Variants in DNAAF6 observed in about 807,000 individuals in gnomAD.
DNAAF6 encodes the protein dynein axonemal assembly factor 6, also known as PIH1 domain containing 3.
A neutral mutation model predicts 13.7 loss-of-function variants in DNAAF6; 3 were observed. The ratio of observed to expected loss-of-function variants is 0.22; its 90% CI spans 0.10 to 0.56. The LOEUF is 0.56. DNAAF6 is among the 20% of genes least tolerant of loss of function. DNAAF6 has a pLI of 0.92. For synonymous variants in DNAAF6, 54 were observed against 49.2 expected (o/e 1.10, Z -0.41); for missense variants, 130 against 151.0 (o/e 0.86, Z 0.73).
intron 5 of DNAAF6, among the ~76,000 whole-genome samples, chrX:107,226,713 A>C (rs1354273777): frequency 8.9e-6 from 1 of 111,942 alleles, no homozygotes; most frequent in Non-Finnish European, 1.9e-5. Flanking sequence ...AGATAGCTTG[A>C]TGCTCTTTGA....
chrX:107,225,741 C>T (rs913665309), intron 5 of DNAAF6, among the ~76,000 whole-genome samples: 4 of 111,520 alleles, frequency 3.6e-5, no homozygotes, highest in Non-Finnish European at 5.6e-5. Flanking sequence ...ATCAAAGCAA[C>T]GGTCCTAAAC....
chrX:107,227,522 C>T (rs1356806059), intron 5 of DNAAF6, among the ~76,000 whole-genome samples: 1 of 108,274 alleles, frequency 9.2e-6, no homozygotes, highest in African/African-American at 3.4e-5. Context: ...ATTATGTTAA[C>T]CTTGTTTGAT....
intron 5 of DNAAF6, among the ~76,000 whole-genome samples, chrX:107,237,492 G>A (rs148069075): frequency 2.9e-4 from 32 of 112,272 alleles, no homozygotes; most frequent in African/African-American, 1.0e-3. Flanking sequence ...TTGTGTTGTG[G>A]TAAAAATACA....
chrX:107,213,119 C>T (rs745559510), intron 2 of DNAAF6, 91 bp downstream of exon 2: 11 of 920,317 alleles, frequency 1.2e-5, no homozygotes, highest in Non-Finnish European at 1.3e-5. Flanking sequence ...GCTGTGGGAA[C>T]AGAGCTGTGT....
intron 5 of DNAAF6, among the ~76,000 whole-genome samples, chrX:107,233,630 A>G (rs1226450707): frequency 3.6e-5 from 4 of 110,621 alleles, no homozygotes; most frequent in Non-Finnish European, 7.6e-5. Flanking sequence ...AATGGAGGAC[A>G]TGAGTTTTTT....
rs200290585 is a variant in DNAAF6, at chrX:107,212,847, C to T, written c.-3-26C>T. 1.0e-4 allele frequency: 117 copies of T among 1,144,759 alleles called. No individual in the cohort carries two copies. The African/African-American group carries it at 1.8e-3, about 18-fold the overall frequency. 94.3% of individuals were successfully genotyped at this position (1,144,759 alleles called of 1,213,427 possible). ...TAAATAAAACAGAAAAGTAAAATAC[C>T]TCTTTCTGATTATCTTTTTCTTCAG... On this transcript the variant is annotated intron_variant, in intron 1 of 6. Transcript: ENST00000372453.
At chrX:107,211,976 A>G (rs999545282) in intron 1 of DNAAF6, among the ~76,000 whole-genome samples, 3 of 111,916 alleles carry the variant, frequency 2.7e-5, no homozygotes, top group African/African-American at 9.7e-5. Flanking sequence ...CCAAATGACT[A>G]TTTTGAAATA....
At chrX:107,241,299 T>C (rs778007182) in intron 6 of DNAAF6, among the ~76,000 whole-genome samples, 1 of 111,948 alleles carries the variant, frequency 8.9e-6, no homozygotes, top group Admixed American at 9.5e-5. Context: ...TGTATTATTG[T>C]TTGCATTTAA....
intron 1 of DNAAF6, among the ~76,000 whole-genome samples, chrX:107,209,191 T>A (rs1206293494): frequency 9.0e-6 from 1 of 111,666 alleles, no homozygotes; most frequent in Non-Finnish European, 1.9e-5. Flanking sequence ...ATCACTGTTG[T>A]GTTCTCAAGA....
chrX:107,242,627 A>G (rs1450776335), intron 6 of DNAAF6, among the ~76,000 whole-genome samples: 1 of 112,729 alleles, frequency 8.9e-6, no homozygotes, highest in African/African-American at 3.2e-5. Flanking sequence ...GCAATCTATC[A>G]CAGGGAATTT....
Position 107,243,516 on chromosome X carries a change from T to C in DNAAF6, c.*218T>C, listed in dbSNP as rs1315417198. The C allele has an allele frequency of 2.8e-6, 1 of 361,559 alleles. No homozygotes were observed. Among genetic ancestry groups the C allele is most frequent in the African/African-American group, 2.7e-5 (1 of 36,749 alleles). The allele number at this position is 361,559 out of a possible 1,213,427, so 29.8% of individuals were successfully genotyped here. ...CAGGTGCAATGGCTCATGCCTGTAATCCCAACACTTTGGGAGGCCGAAGCA... is the reference window on the plus strand; with the variant it reads ...CAGGTGCAATGGCTCATGCCTGTAACCCCAACACTTTGGGAGGCCGAAGCA... On this transcript the variant is annotated 3_prime_UTR_variant, in exon 7 of 7. Coordinates refer to ENST00000372453, the MANE Select transcript of DNAAF6 (RefSeq NM_173494.2).
chrX:107,221,283 T>G (rs750517477), intron 4 of DNAAF6, among the ~76,000 whole-genome samples: 61 of 109,562 alleles, frequency 5.6e-4, no homozygotes, highest in African/African-American at 2.0e-3. Flanking sequence ...CCAAATTTGT[T>G]TTTTTTCTTC....
rs776787834 is a variant in DNAAF6, at chrX:107,243,243, C to T, written c.590C>T (p.Thr197Ile). ...GCATTCTATATCCCAGAGACTGAAA[C>T]TCTTGAAATCACTATGACTATGAAA... ...AKAFYIPETE[T>I]LEITMTMKRE... Residue 197 changes from threonine to isoleucine, a missense_variant, in exon 7 of 7, where the codon ACT becomes ATT. Physicochemically the swap from Thr to Ile is moderately conservative, Grantham distance 89. Transcript: ENST00000372453. 2 of 1,209,605 alleles carry T rather than the reference C, an allele frequency of 1.7e-6. No homozygotes were observed. Among genetic ancestry groups the T allele is most frequent in the Non-Finnish European group, 2.2e-6 (2 of 894,851 alleles).
chrX:107,238,842 T>C, intron 5 of DNAAF6, 80 bp from the exon 6 acceptor site: 1 of 1,160,878 alleles, frequency 8.6e-7, no homozygotes, highest in South Asian at 2.0e-5. Flanking sequence ...TATTAGTCTC[T>C]TTTCCCCATA....
At chrX:107,209,578 G>A (rs998938026) in intron 1 of DNAAF6, among the ~76,000 whole-genome samples, 1 of 111,090 alleles carries the variant, frequency 9.0e-6, no homozygotes, top group Non-Finnish European at 1.9e-5. Flanking sequence ...GATTACAGGC[G>A]CCCGCCATCA....
At chrX:107,241,914 A>G (rs1928631863) in intron 6 of DNAAF6, among the ~76,000 whole-genome samples, 1 of 112,245 alleles carries the variant, frequency 8.9e-6, no homozygotes, top group South Asian at 3.6e-4. Context: ...TTTTAGTGCA[A>G]CGAAGCTACC....
At chrX:107,232,634 TTA>T (rs756862678) in intron 5 of DNAAF6, among the ~76,000 whole-genome samples, 2 of 111,647 alleles carry the variant, frequency 1.8e-5, no homozygotes, top group South Asian at 7.6e-4. Flanking sequence ...GTGGCTGAAA[TTA>T]TTAATAGTGT....
chrX:107,219,605 T>C (rs1260929145), intron 4 of DNAAF6, among the ~76,000 whole-genome samples: 3 of 111,607 alleles, frequency 2.7e-5, no homozygotes, highest in African/African-American at 9.8e-5. Context: ...TTTATATACA[T>C]AGATTAAATT....
chrX:107,239,118 A>C, intron 6 of DNAAF6, 111 bp downstream of exon 6: 2 of 1,010,788 alleles, frequency 2.0e-6, no homozygotes, highest in Non-Finnish European at 2.5e-6. Context: ...GTCTGAAGAA[A>C]AGTGGAAAAT....
Sources: gnomAD v4.1 joint callset for allele counts (sites outside exome capture counted in the v4.1 genomes callset) on GRCh38, gnomAD v4.1.1 for gene constraint, MANE v1.5 for transcripts, NCBI Gene and HGNC (gene_info 2026-07-23, HGNC 2026-07-21) for gene names.